The following UVRAG variants were observed in gnomAD, a reference collection of about 807,000 sequenced individuals.
UVRAG encodes UV radiation resistance-associated gene protein.
In UVRAG, 19 loss-of-function variants were observed where a neutral mutation model predicts 78.0. That is an observed-to-expected ratio of 0.24 (90% confidence interval 0.17 to 0.36). UVRAG has a LOEUF of 0.36. Ranked by LOEUF, UVRAG falls within the 10% of genes least tolerant of loss-of-function variation. The pLI is 1.00. For missense variants in UVRAG, 740 were observed against 853.8 expected (o/e 0.87, Z 1.66); for synonymous variants, 323 against 324.6 (o/e 1.00, Z 0.05).
chr11:75,819,515 T>C (rs994857444), intron 1 of UVRAG, among the ~76,000 whole-genome samples: 22 of 152,038 alleles, frequency 1.4e-4, no homozygotes, highest in African/African-American at 5.1e-4. Context: ...CCCAGCTAAT[T>C]TTTGTATTTT....
intron 14 of UVRAG, 72 bp downstream of exon 14, chr11:76,116,087 A>T (rs1249837219): frequency 7.3e-7 from 1 of 1,369,096 alleles, no homozygotes; most frequent in African/African-American, 1.4e-5. Flanking sequence ...TCTGACTTCC[A>T]CATTGCTCCA....
chr11:75,858,799 T>C (rs909043752), intron 2 of UVRAG, among the ~76,000 whole-genome samples: 1 of 152,228 alleles, frequency 6.6e-6, no homozygotes, highest in Non-Finnish European at 1.5e-5. Flanking sequence ...AAAATAATTT[T>C]GCAGTATAGC....
intron 4 of UVRAG, among the ~76,000 whole-genome samples, chr11:75,881,134 A>C (rs114783719): frequency 0.016 from 2,361 of 151,804 alleles, 40 homozygotes; most frequent in African/African-American, 0.047. Flanking sequence ...ATGCCCAGCT[A>C]ATTTTTATTT....
intron 1 of UVRAG, among the ~76,000 whole-genome samples, chr11:75,832,465 C>T (rs982937426): frequency 1.2e-4 from 19 of 152,104 alleles, no homozygotes; most frequent in African/African-American, 4.6e-4. Flanking sequence ...AAGGATACAA[C>T]CTGGGAACAG....
chr11:75,992,484 T>G (rs1387232674), intron 8 of UVRAG, among the ~76,000 whole-genome samples: 1 of 152,212 alleles, frequency 6.6e-6, no homozygotes, highest in Non-Finnish European at 1.5e-5. Flanking sequence ...ATGTTGATAC[T>G]TTGGTTCCTA....
chr11:76,019,273 A>G (rs188486056), intron 12 of UVRAG, among the ~76,000 whole-genome samples: 4 of 152,308 alleles, frequency 2.6e-5, no homozygotes, highest in African/African-American at 9.6e-5. Flanking sequence ...TTGTGTTTCC[A>G]CAAAACGGCT....
At chr11:75,964,206 G>C (rs925364925) in intron 7 of UVRAG, among the ~76,000 whole-genome samples, 1 of 152,176 alleles carries the variant, frequency 6.6e-6, no homozygotes, top group African/African-American at 2.4e-5. Context: ...TCTGTAGTTT[G>C]TTTCCTTGTA....
rs186156081 is a variant in UVRAG, at chr11:75,850,361, G to A, written c.118-1522G>A. On this transcript the variant is annotated intron_variant, in intron 1 of 14. Transcript: ENST00000356136. ...AATATGCATAGGATCTCCTTAAAGAGCGGGATGGCATTGAGGTCTACCATC... is the reference window on the plus strand; with the variant it reads ...AATATGCATAGGATCTCCTTAAAGAACGGGATGGCATTGAGGTCTACCATC... Among the ~76,000 whole-genome samples, 55 of 152,266 alleles carry A rather than the reference G, an allele frequency of 3.6e-4. 1 individual carries two copies. The highest frequency in any genetic ancestry group is 1.2e-3 in the African/African-American group (50 of 41,554).
chr11:76,119,902 T>C (rs2134475002), intron 14 of UVRAG, among the ~76,000 whole-genome samples: 1 of 152,334 alleles, frequency 6.6e-6, no homozygotes, highest in South Asian at 2.1e-4. Flanking sequence ...CCAAGTTTTC[T>C]TCCATAGTCT....
chr11:75,974,945 C>A (rs1364510838), intron 7 of UVRAG, among the ~76,000 whole-genome samples: 3 of 152,134 alleles, frequency 2.0e-5, no homozygotes, highest in Non-Finnish European at 4.4e-5. Context: ...GACATGAAGT[C>A]CTTGCCCATG....
chr11:75,837,251 C>T lies in UVRAG; in HGVS notation c.118-14632C>T, dbSNP rs1045301222. On this transcript the variant is annotated intron_variant, in intron 1 of 14. Transcript: ENST00000356136. The stretch of plus-strand genomic sequence containing the variant: ...CTGAGGCAGGAGAATCGTGTGACCT[C>T]GGGAGTCAGAGCTTGCAGTGAGCTG... Among the ~76,000 whole-genome samples the T allele has an allele frequency of 2.0e-5, 3 of 146,876 alleles. No homozygotes were observed. The Admixed American group carries it at 2.1e-4, about 10-fold the overall frequency.
At chr11:75,892,715 C>T (rs1340078820) in intron 5 of UVRAG, among the ~76,000 whole-genome samples, 1 of 152,118 alleles carries the variant, frequency 6.6e-6, no homozygotes, top group Non-Finnish European at 1.5e-5. Context: ...GCCCCCTTTA[C>T]CAGCTTTCAA....
At chr11:76,106,686 A>T (rs1052003938) in intron 13 of UVRAG, among the ~76,000 whole-genome samples, 3 of 152,034 alleles carry the variant, frequency 2.0e-5, no homozygotes, top group Non-Finnish European at 4.4e-5. Context: ...GTCAAATTTG[A>T]TCAGTTTAGA....
At chr11:76,043,685 CTAG>C (rs1440447863) in intron 12 of UVRAG, among the ~76,000 whole-genome samples, 2 of 152,120 alleles carry the variant, frequency 1.3e-5, no homozygotes, top group Non-Finnish European at 2.9e-5. Context: ...ATTCTTATGT[CTAG>C]TAGAAGTGTA....
intron 8 of UVRAG, among the ~76,000 whole-genome samples, chr11:75,993,988 A>G (rs1487392283): frequency 6.6e-6 from 1 of 152,184 alleles, no homozygotes; most frequent in East Asian, 1.9e-4. Context: ...CACTATCACC[A>G]AGGGGATGGC....
chr11:76,129,944 C>T (rs532588100), intron 14 of UVRAG, among the ~76,000 whole-genome samples: 1 of 152,204 alleles, frequency 6.6e-6, no homozygotes, highest in South Asian at 2.1e-4. Flanking sequence ...CTCTCTCTCT[C>T]TCTCGCTTTC....
chr11:75,890,862 C>T (rs1947199432), intron 5 of UVRAG, among the ~76,000 whole-genome samples: 3 of 151,944 alleles, frequency 2.0e-5, no homozygotes, highest in African/African-American at 2.4e-5. Context: ...AAGAAGTGGC[C>T]CAAGGGAAAG....
At chr11:75,919,186 C>G (rs1591017396) in intron 6 of UVRAG, among the ~76,000 whole-genome samples, 2 of 152,032 alleles carry the variant, frequency 1.3e-5, no homozygotes, top group African/African-American at 4.8e-5. Context: ...CATCTTTAAA[C>G]TATGGATGTG....
chr11:75,872,620 C>A (rs1946679826), intron 3 of UVRAG, among the ~76,000 whole-genome samples: 2 of 152,080 alleles, frequency 1.3e-5, no homozygotes, highest in Admixed American at 1.3e-4. Context: ...ATCTCCTGAC[C>A]TTGTGATCTG....
Sources: gnomAD v4.1 joint callset for allele counts (sites outside exome capture counted in the v4.1 genomes callset) on GRCh38, gnomAD v4.1.1 for gene constraint, MANE v1.5 for transcripts, NCBI Gene and HGNC (gene_info 2026-07-23, HGNC 2026-07-21) for gene names.